SDK1: variants seen among roughly 807,000 people sequenced by gnomAD.
SDK1 encodes the protein protein sidekick-1.
SDK1 carries 157 observed loss-of-function variants against 245.5 expected under a neutral mutation model. The observed-to-expected ratio is 0.64, with a 90% CI of 0.56 to 0.73. The LOEUF (loss-of-function observed/expected upper bound fraction) is 0.73. Ranked by LOEUF, SDK1 falls within the 30% of genes least tolerant of loss-of-function variation. The probability of loss-of-function intolerance (pLI) is 0.00; values close to 1 mark genes in which losing one functional copy is unlikely to be tolerated. For missense variants in SDK1, 3,583 were observed against 3,002.3 expected, an observed-to-expected ratio of 1.19 and a Z score of -4.52; for synonymous variants, 1,647 against 1,278.5, an observed-to-expected ratio of 1.29 and a Z score of -6.15.
chr7:3,367,748 T>C (rs1781128310), intron 1 of SDK1, among the ~76,000 whole-genome samples: 2 of 152,228 alleles, frequency 1.3e-5, no homozygotes, highest in Admixed American at 1.3e-4. Flanking sequence ...AAATTCCAGT[T>C]GCCTTAACTG....
chr7:4,257,584 A>G (rs1787710971), intron 44 of SDK1, among the ~76,000 whole-genome samples: 1 of 152,228 alleles, frequency 6.6e-6, no homozygotes, highest in Non-Finnish European at 1.5e-5. Flanking sequence ...CCCAGCTTTT[A>G]GCTTCAGCTC....
chr7:3,650,900 G>T lies in SDK1; in HGVS notation c.713+8795G>T, dbSNP rs189256189. On this transcript the variant is annotated intron_variant, in intron 4 of 44. Coordinates refer to ENST00000404826, the MANE Select transcript of SDK1 (RefSeq NM_152744.4). ...TTGTCTGAAGCCTAGTTGGTTTCCT[G>T]TTGTTGTTGTCTAGTGTTTCTTGGT... Among the ~76,000 whole-genome samples, 169 of 149,820 alleles carry T rather than the reference G, an allele frequency of 1.1e-3. 1 individual carries two copies. The highest frequency in any genetic ancestry group is 4.1e-3 in the African/African-American group (166 of 40,598).
intron 4 of SDK1, among the ~76,000 whole-genome samples, chr7:3,765,157 A>G (rs1780218738): frequency 6.6e-6 from 1 of 152,176 alleles, no homozygotes; most frequent in Non-Finnish European, 1.5e-5. Context: ...AGAACAATAT[A>G]AGTGAATTAT....
In SDK1 at chr7:3,929,807, G is replaced by A. The variant is rs181872304; in HGVS notation, c.848-21116G>A. Among the ~76,000 whole-genome samples, 63 of 152,146 alleles carry A rather than the reference G, an allele frequency of 4.1e-4. 1 individual carries two copies. In the East Asian group the frequency reaches 7.7e-3, roughly 19 times the overall value. On this transcript the variant is annotated intron_variant, in intron 5 of 44. Transcript: ENST00000404826. ...TGTATTAGCTGGTTTTGCGTTGATA[G>A]AAAGGAATACCTGAGGCTGGTAATT...
At chr7:4,132,511 C>T (rs1042871074) in intron 28 of SDK1, 88 bp downstream of exon 28, 5 of 924,214 alleles carry the variant, frequency 5.4e-6, no homozygotes, top group Non-Finnish European at 8.5e-6. Context: ...TGCTTGAGCC[C>T]AGGAGTTCAA....
chr7:3,656,787 C>A (rs949335791), intron 4 of SDK1, among the ~76,000 whole-genome samples: 2 of 150,240 alleles, frequency 1.3e-5, no homozygotes, highest in African/African-American at 4.9e-5. Context: ...GTCGCCCAGG[C>A]CGGACTGCGG....
At chr7:3,909,630 G>T (rs991794441) in intron 5 of SDK1, among the ~76,000 whole-genome samples, 1 of 152,200 alleles carries the variant, frequency 6.6e-6, no homozygotes, top group South Asian at 2.1e-4. Context: ...CGTGGAGCTG[G>T]CCTATATGCG....
At chr7:3,941,602 C>G (rs1200181253) in intron 5 of SDK1, among the ~76,000 whole-genome samples, 1 of 152,182 alleles carries the variant, frequency 6.6e-6, no homozygotes, top group African/African-American at 2.4e-5. Context: ...CTGCTCAAAC[C>G]TTTCCCAATT....
chr7:3,465,320 C>CT (rs1780964149), intron 1 of SDK1, among the ~76,000 whole-genome samples: 1 of 152,080 alleles, frequency 6.6e-6, no homozygotes, highest in Non-Finnish European at 1.5e-5. Context: ...TTCCATAACA[C>CT]ATACAAATTA....
At chr7:3,628,352 T>C (rs73039634) in intron 2 of SDK1, among the ~76,000 whole-genome samples, 3,267 of 152,208 alleles carry the variant, frequency 0.021, 59 homozygotes, top group Middle Eastern at 0.075. Flanking sequence ...AAAATATATA[T>C]ATTTTGTAGA....
At chr7:3,419,549 G>T (rs1779479001) in intron 1 of SDK1, among the ~76,000 whole-genome samples, 2 of 152,178 alleles carry the variant, frequency 1.3e-5, no homozygotes, top group Non-Finnish European at 2.9e-5. Context: ...TGGACACCAT[G>T]ATCTGTTCTG....
intron 4 of SDK1, among the ~76,000 whole-genome samples, chr7:3,682,192 C>T (rs1583302716): frequency 6.6e-6 from 1 of 152,130 alleles, no homozygotes; most frequent in Admixed American, 6.6e-5. Flanking sequence ...ATAGGCAACC[C>T]AGGTATTATT....
At chr7:3,305,298 C>T (rs1779388344) in intron 1 of SDK1, among the ~76,000 whole-genome samples, 1 of 152,226 alleles carries the variant, frequency 6.6e-6, no homozygotes, top group Admixed American at 6.5e-5. Context: ...TTAAAAACTC[C>T]TCAAGTGATT....
chr7:3,978,089 T>C (rs1271036703), intron 13 of SDK1, among the ~76,000 whole-genome samples: 1 of 146,498 alleles, frequency 6.8e-6, no homozygotes, highest in African/African-American at 2.5e-5. Context: ...AGACAGAGGA[T>C]TTTTTTTTTT....
chr7:3,408,274 C>A (rs1368617810), intron 1 of SDK1, among the ~76,000 whole-genome samples: 1 of 152,038 alleles, frequency 6.6e-6, no homozygotes. Context: ...GAACTCCTGA[C>A]CTCAAGTGAT....
At chr7:3,378,022 G>T (rs184732576) in intron 1 of SDK1, among the ~76,000 whole-genome samples, 8 of 152,150 alleles carry the variant, frequency 5.3e-5, no homozygotes, top group African/African-American at 1.9e-4. Flanking sequence ...CAAGTGATCC[G>T]CCTGCCTCGG....
intron 14 of SDK1, among the ~76,000 whole-genome samples, chr7:3,989,706 GC>G (rs1321570238): frequency 6.6e-6 from 1 of 152,166 alleles, no homozygotes; most frequent in Non-Finnish European, 1.5e-5. Flanking sequence ...CCTGAGTTCT[GC>G]CGTGGCTCTT....
chr7:3,588,176 T>C (rs929912571), intron 1 of SDK1, among the ~76,000 whole-genome samples: 13 of 152,186 alleles, frequency 8.5e-5, no homozygotes, highest in Non-Finnish European at 1.0e-4. Context: ...ATAATCTGAT[T>C]TGTCAGTCAA....
At chr7:3,643,630 C>T (rs957674250) in intron 4 of SDK1, 1 of 149,078 alleles carries the variant, frequency 6.7e-6, no homozygotes, top group African/African-American at 2.5e-5. Context: ...AATCCCTTCC[C>T]TAAGCCTCCT....
Sources: gnomAD v4.1 joint callset for allele counts (sites outside exome capture counted in the v4.1 genomes callset) on GRCh38, gnomAD v4.1.1 for gene constraint, MANE v1.5 for transcripts, NCBI Gene and HGNC (gene_info 2026-07-23, HGNC 2026-07-21) for gene names.